The following GOLGA8S variants were observed in gnomAD, a reference collection of about 807,000 sequenced individuals.
GOLGA8S encodes golgin subfamily A member 8S.
GOLGA8S carries 23 observed loss-of-function variants against 58.9 expected under a neutral mutation model. The ratio of observed to expected loss-of-function variants is 0.39; its 90% CI spans 0.28 to 0.55. The LOEUF (loss-of-function observed/expected upper bound fraction) is 0.55, where lower values mean the gene tolerates loss of function less well. Among genes scored for constraint, GOLGA8S ranks in the 20% least tolerant of loss-of-function variants. GOLGA8S has a pLI of 0.63. For synonymous variants in GOLGA8S, 84 were observed against 195.7 expected, an observed-to-expected ratio of 0.43 and a Z score of 4.76; for missense variants, 266 against 514.2, an observed-to-expected ratio of 0.52 and a Z score of 4.67.
At chr15:23,364,313 C>G (rs779126606) in intron 15 of GOLGA8S, 30 bp from the exon 16 acceptor site, 59 of 1,597,112 alleles carry the variant, frequency 3.7e-5, no homozygotes, top group Middle Eastern at 1.9e-4. Context: ...AGGTCGCTGC[C>G]GAGATGTGAC....
In GOLGA8S at chr15:23,361,286, G is replaced by T. The variant is rs1259280438; in HGVS notation, c.940G>T (p.Glu314Ter). The T allele has an allele frequency of 6.9e-7, 1 of 1,448,434 alleles. No individual in the cohort carries two copies. The highest frequency in any genetic ancestry group is 9.6e-7 in the Non-Finnish European group (1 of 1,040,406). The allele number at this position is 1,448,434 out of a possible 1,614,324, so 89.7% of individuals were successfully genotyped here. The change falls in exon 12 of 19, where the codon GAA becomes TAA. Residue 314 changes from glutamate to a stop codon, truncating the protein, a stop_gained. Coordinates refer to ENST00000562295, the Ensembl canonical transcript of GOLGA8S. LOFTEE classifies it high-confidence loss of function. ...GGCGGAGCTGCAGCACCTGAGGAAG[G>T]AACTAGAGAGAGTGGCAGGAGCGCT...
exon 11 of GOLGA8S, chr15:23,360,773 G>C: frequency 1.4e-6 from 2 of 1,409,818 alleles, no homozygotes; most frequent in Non-Finnish European, 2.0e-6. Context: ...ATATCGGGTA[G>C]AGACGCTGGA....
At chr15:23,368,483 TAAA>T (rs1220349096), downstream of GOLGA8S, among the ~76,000 whole-genome samples, 1 of 151,792 alleles carries the variant, frequency 6.6e-6, no homozygotes, top group South Asian at 2.1e-4. Context: ...AAACACAAAA[TAAA>T]AAAGTTATGG....
At chr15:23,360,679 A>T in intron 10 of GOLGA8S, 49 bp from the exon 11 acceptor site, 1 of 1,186,002 alleles carries the variant, frequency 8.4e-7, no homozygotes, top group Admixed American at 1.7e-5. Context: ...CAGCCTGTCC[A>T]GCCTCCAGCC....
intron 8 of GOLGA8S, 94 bp downstream of exon 8, chr15:23,359,303 C>A (rs1596015508): frequency 1.5e-6 from 1 of 665,784 alleles, no homozygotes; most frequent in Non-Finnish European, 2.8e-6. Context: ...GAGTGTCCTG[C>A]CCAGAAGGCA....
In GOLGA8S at chr15:23,361,465, C is replaced by T. The variant is rs753908440; in HGVS notation, c.1110+9C>T. The T allele has an allele frequency of 1.2e-5, 9 of 774,260 alleles. No homozygotes were observed. The highest frequency in any genetic ancestry group is 2.1e-5 in the Non-Finnish European group (9 of 429,334). 48.0% of individuals were successfully genotyped at this position (774,260 alleles called of 1,614,324 possible). On this transcript the variant is annotated intron_variant, in intron 12 of 18. Transcript: ENST00000562295. ...ACAGCTTCAAGGAGCTGGTGCGTTG[C>T]CCCAGCTGGGGAGCCTGCCCTCCTC...
downstream of GOLGA8S, among the ~76,000 whole-genome samples, chr15:23,367,852 G>T (rs2069946463): frequency 1.3e-5 from 2 of 151,458 alleles, no homozygotes; most frequent in South Asian, 4.3e-4. Flanking sequence ...TTTAAAGATG[G>T]CAATATATAA....
In GOLGA8S at chr15:23,361,217, T is replaced by C; in HGVS notation, c.875-4T>C. The C allele has an allele frequency of 2.1e-6, 3 of 1,440,292 alleles. No individual in the cohort carries two copies. The highest frequency in any genetic ancestry group is 2.9e-6 in the Non-Finnish European group (3 of 1,037,836). 89.2% of individuals were successfully genotyped at this position (1,440,292 alleles called of 1,614,324 possible). On this transcript the variant is annotated splice_polypyrimidine_tract_variant and splice_region_variant and intron_variant, in intron 11 of 18. Coordinates refer to ENST00000562295, the Ensembl canonical transcript of GOLGA8S. ...AGGCTCTTATTGTCTGCTTCCTTTC[T>C]CAGCTGAACCTCTGCCCCCGGAGCC...
chr15:23,364,240 A>G lies in GOLGA8S; in HGVS notation c.1348-103A>G, dbSNP rs1461043972. 9.8e-6 allele frequency: 15 copies of G among 1,533,340 alleles called. No homozygotes were observed. The Admixed American group carries it at 2.6e-4, about 27-fold the overall frequency. The allele number at this position is 1,533,340 out of a possible 1,614,324, so 95.0% of individuals were successfully genotyped here. ...CTGGGCCCTGCAGGAAGTCACGGAGAAGCTGGCCCATGCCAGGACTCACCT... is the reference window on the plus strand; with the variant it reads ...CTGGGCCCTGCAGGAAGTCACGGAGGAGCTGGCCCATGCCAGGACTCACCT... On this transcript the variant is annotated intron_variant, in intron 15 of 18. Transcript: ENST00000562295.
rs2069846936 is a variant in GOLGA8S, at chr15:23,363,674, C to CCCA, written c.1256-3_1256-2insCAC. On this transcript the variant is annotated splice_region_variant and splice_polypyrimidine_tract_variant and intron_variant, in intron 14 of 18. Coordinates refer to ENST00000562295, the Ensembl canonical transcript of GOLGA8S. Reference sequence around the variant, plus strand: ...ACCCCTCTGGCCACCACCCCCACCCCCAGGAGATGGAGGAGGACATCTGGA... The same window carrying CCCA: ...ACCCCTCTGGCCACCACCCCCACCCCCCACAGGAGATGGAGGAGGACATCTGGA... 9.7e-6 allele frequency: 4 copies of CCCA among 412,912 alleles called. No homozygotes were observed. Among genetic ancestry groups the CCCA allele is most frequent in the East Asian group, 5.0e-5 (1 of 19,914 alleles). 25.6% of individuals were successfully genotyped at this position (412,912 alleles called of 1,614,324 possible).
downstream of GOLGA8S, among the ~76,000 whole-genome samples, chr15:23,367,465 CAAT>C (rs2069941663): frequency 7.0e-6 from 1 of 143,316 alleles, no homozygotes; most frequent in South Asian, 2.6e-4. Flanking sequence ...ACCAATCTGA[CAAT>C]AATGTGTTCA....
At position 23,361,039 on chromosome 15, in the gene GOLGA8S, C is replaced by G. The variant is rs1294529978; in HGVS notation, c.875-182C>G. Among the ~76,000 whole-genome samples the G allele has an allele frequency of 4.8e-4, 72 of 148,790 alleles. 1 individual carries two copies. The highest frequency in any genetic ancestry group is 3.7e-3 in the East Asian group (19 of 5,126). ...CCGCAGTGCTCTTTCTCTGAAAGTG[C>G]TTTGGAAGACTGGCTACCATCTGGG... On this transcript the variant is annotated intron_variant, in intron 11 of 18. Coordinates refer to ENST00000562295, the Ensembl canonical transcript of GOLGA8S.
Position 23,361,890 on chromosome 15 carries a change from C to T in GOLGA8S, c.1179+98C>T, listed in dbSNP as rs1596017513. 5.4e-6 allele frequency: 5 copies of T among 922,562 alleles called. No homozygotes were observed. In the East Asian group the frequency reaches 7.2e-5, roughly 13 times the overall value. The allele number at this position is 922,562 out of a possible 1,614,324, so 57.1% of individuals were successfully genotyped here. A position where few individuals can be genotyped will look rare whatever the true frequency, so the allele number is the denominator to read the frequency against. ...GGAGGTGCCAGGCCAGCGGTAGCTC[C>T]AGCCCAGGGGCAGGTGACCCCAGCA... is the stretch of plus-strand genomic sequence containing the variant. On this transcript the variant is annotated intron_variant, in intron 13 of 18. Coordinates refer to ENST00000562295, the Ensembl canonical transcript of GOLGA8S.
chr15:23,356,258 T>C (rs2069687314), intron 1 of GOLGA8S, among the ~76,000 whole-genome samples: 1 of 145,092 alleles, frequency 6.9e-6, no homozygotes, highest in Non-Finnish European at 1.6e-5. Context: ...CTAAACCACA[T>C]GGCATACAGT....
chr15:23,365,561 T>C (rs2069906971), downstream of GOLGA8S: 2 of 291,078 alleles, frequency 6.9e-6, no homozygotes, highest in Non-Finnish European at 1.3e-5. Context: ...TGCTGTTGTT[T>C]GATCTAATCT....
intron 8 of GOLGA8S, among the ~76,000 whole-genome samples, chr15:23,359,449 T>C (rs1223418005): frequency 6.8e-6 from 1 of 146,652 alleles, no homozygotes; most frequent in East Asian, 1.9e-4. Flanking sequence ...GTGCCTGCCA[T>C]GCCTTTACCT....
exon 16 of GOLGA8S, chr15:23,364,344 G>A (rs1394580449): frequency 1.9e-6 from 3 of 1,602,194 alleles, no homozygotes; most frequent in Non-Finnish European, 2.5e-6. Context: ...TGGCTCCAGA[G>A]CAGCTTTATG....
At chr15:23,367,791 T>G (rs1317646558), downstream of GOLGA8S, among the ~76,000 whole-genome samples, 1 of 151,926 alleles carries the variant, frequency 6.6e-6, no homozygotes, top group Non-Finnish European at 1.5e-5. Context: ...TTTTAAAATG[T>G]GAGTTCCACT....
intron 4 of GOLGA8S, among the ~76,000 whole-genome samples, chr15:23,357,851 C>A (rs1464081055): frequency 2.7e-5 from 4 of 150,266 alleles, no homozygotes; most frequent in African/African-American, 7.4e-5. Flanking sequence ...CCTTGCTACA[C>A]ACGCCCTGGG....
Sources: gnomAD v4.1 joint callset for allele counts (sites outside exome capture counted in the v4.1 genomes callset) on GRCh38, gnomAD v4.1.1 for gene constraint, MANE v1.5 for transcripts, NCBI Gene and HGNC (gene_info 2026-07-23, HGNC 2026-07-21) for gene names.